Variants in MKRN2OS observed in about 807,000 individuals in gnomAD.
MKRN2OS encodes MKRN2 opposite strand.
In MKRN2OS, 17 loss-of-function variants were observed where a neutral mutation model predicts 18.2. The ratio of observed to expected loss-of-function variants is 0.93; its 90% CI spans 0.64 to 1.40. The LOEUF is 1.40. Among genes scored for constraint, MKRN2OS ranks in the 40% most tolerant of loss-of-function variants. MKRN2OS has a pLI of 0.00. For synonymous variants in MKRN2OS, 121 were observed against 108.5 expected, an observed-to-expected ratio of 1.12 and a Z score of -0.72; for missense variants, 337 against 283.0, an observed-to-expected ratio of 1.19 and a Z score of -1.37.
At chr3:12,555,307 G>C (rs1344320766) in intron 1 of MKRN2OS, among the ~76,000 whole-genome samples, 1 of 89,228 alleles carries the variant, frequency 1.1e-5, no homozygotes, top group East Asian at 2.3e-4. Context: ...GCAAGACTCC[G>C]TCTCAAAAAA....
rs551458514 is a variant in MKRN2OS at position 12,540,169 on chromosome 3, G to A, written c.*24C>T. On this transcript the variant is annotated 3_prime_UTR_variant, in exon 4 of 4. Transcript: ENST00000564146. ...GGTAGCAACCACCCTACCCTCCAGC[G>A]TCCAGGCTGCGCTTACATAGCTCTC... is the stretch of plus-strand genomic sequence containing the variant. 619 of 1,535,950 alleles carry A rather than the reference G, an allele frequency of 4.0e-4. 8 individuals carry two copies. The South Asian group carries it at 6.4e-3, about 16-fold the overall frequency.
intron 1 of MKRN2OS, among the ~76,000 whole-genome samples, chr3:12,557,909 A>T (rs1374029477): frequency 6.6e-6 from 1 of 152,246 alleles, no homozygotes; most frequent in Non-Finnish European, 1.5e-5. Flanking sequence ...AAATAGCCAG[A>T]TAGCTACACT....
intron 1 of MKRN2OS, among the ~76,000 whole-genome samples, chr3:12,555,448 T>C (rs1480761191): frequency 1.3e-5 from 2 of 152,106 alleles, no homozygotes; most frequent in Non-Finnish European, 2.9e-5. Context: ...GAGAAAAATT[T>C]CAAAAGTTCT....
In MKRN2OS at chr3:12,540,401, T is replaced by C. The variant is rs2057779470; in HGVS notation, c.464A>G (p.Tyr155Cys). The change falls in exon 4 of 4, where the codon TAC becomes TGC. Residue 155 changes from tyrosine to cysteine, a missense_variant. Physicochemically the swap from Tyr to Cys is radical, Grantham distance 194. Coordinates refer to ENST00000564146, the MANE Select transcript of MKRN2OS (RefSeq NM_001195279.2). ...AACGCAGTTAATGAACGTGAGTGCG[T>C]AAGAGTAGCAGTTATGGTGGTTGTC... Reference protein sequence around the residue: ...YEDNHHNCYSYALTFINCVLM... With the variant: ...YEDNHHNCYSCALTFINCVLM... 1 of 1,536,082 alleles carries C rather than the reference T, an allele frequency of 6.5e-7. No homozygotes were observed. The highest frequency in any genetic ancestry group is 8.7e-7 in the Non-Finnish European group (1 of 1,146,900).
intron 2 of MKRN2OS, 73 bp from the exon 3 acceptor site, chr3:12,542,095 A>T: frequency 7.0e-7 from 1 of 1,421,110 alleles, no homozygotes; most frequent in Non-Finnish European, 9.4e-7. Flanking sequence ...ACATCAGAAA[A>T]TGACAGTAGC....
chr3:12,552,876 G>T (rs2057939634), downstream of MKRN2OS, among the ~76,000 whole-genome samples: 1 of 151,730 alleles, frequency 6.6e-6, no homozygotes, highest in Non-Finnish European at 1.5e-5. Context: ...TACAAAAATT[G>T]GCCAGGAGTG....
At chr3:12,552,725 T>TA (rs2057938816), downstream of MKRN2OS, among the ~76,000 whole-genome samples, 1 of 151,272 alleles carries the variant, frequency 6.6e-6, no homozygotes, top group East Asian at 2.0e-4. Flanking sequence ...AATCTTTAAT[T>TA]AAAAATCATC....
At chr3:12,550,916 T>C (rs1224324478), downstream of MKRN2OS, among the ~76,000 whole-genome samples, 2 of 152,190 alleles carry the variant, frequency 1.3e-5, no homozygotes, top group Non-Finnish European at 2.9e-5. Context: ...TACATATCCA[T>C]TTGATTCCTT....
downstream of MKRN2OS, among the ~76,000 whole-genome samples, chr3:12,553,067 G>T (rs1366421376): frequency 2.7e-5 from 4 of 149,296 alleles, no homozygotes; most frequent in Admixed American, 6.7e-5. Context: ...TGCAGGCTGA[G>T]ATGGCTTCCA....
chr3:12,555,179 G>A (rs746118443), intron 1 of MKRN2OS, among the ~76,000 whole-genome samples: 1 of 152,024 alleles, frequency 6.6e-6, no homozygotes, highest in Admixed American at 6.6e-5. Context: ...GCGTGGCAGC[G>A]TGCGCCTGTA....
chr3:12,542,122 G>T, intron 2 of MKRN2OS, 100 bp from the exon 3 acceptor site: 1 of 1,218,206 alleles, frequency 8.2e-7, no homozygotes, highest in Non-Finnish European at 1.1e-6. Flanking sequence ...GTAACTTTAC[G>T]TAACATAAAT....
chr3:12,552,710 AT>A (rs1281843794), downstream of MKRN2OS, among the ~76,000 whole-genome samples: 5 of 151,502 alleles, frequency 3.3e-5, no homozygotes, highest in Non-Finnish European at 7.4e-5. Flanking sequence ...CATGCCCCAC[AT>A]TTAAATCTTT....
chr3:12,548,817 C>G (rs2057907663), upstream of MKRN2OS, among the ~76,000 whole-genome samples: 1 of 152,136 alleles, frequency 6.6e-6, no homozygotes, highest in Non-Finnish European at 1.5e-5. Context: ...TTTTTCAACA[C>G]AAGCATCTTC....
At chr3:12,559,984 A>C (rs2058023044) in intron 1 of MKRN2OS, among the ~76,000 whole-genome samples, 1 of 152,190 alleles carries the variant, frequency 6.6e-6, no homozygotes. Flanking sequence ...TTCAGCTGGC[A>C]GGTGGTAGGA....
intron 1 of MKRN2OS, among the ~76,000 whole-genome samples, 171 bp from the exon 2 acceptor site, chr3:12,543,400 A>C (rs2454433): frequency 0.39 from 59,528 of 151,756 alleles, 12,996 homozygotes; most frequent in African/African-American, 0.59. Context: ...CAGCCTGGCC[A>C]ACATGGCAAG....
downstream of MKRN2OS, among the ~76,000 whole-genome samples, chr3:12,551,048 T>A (rs1426075156): frequency 6.6e-6 from 1 of 151,708 alleles, no homozygotes; most frequent in Non-Finnish European, 1.5e-5. Context: ...CGGTGGGACA[T>A]GACAGAGGCA....
At chr3:12,556,711 G>A (rs908918440) in intron 1 of MKRN2OS, among the ~76,000 whole-genome samples, 16 of 152,208 alleles carry the variant, frequency 1.1e-4, no homozygotes, top group African/African-American at 3.9e-4. Flanking sequence ...GTGAGTGCGA[G>A]TATGAATGGA....
chr3:12,547,612 CTT>C (rs1489125282), upstream of MKRN2OS, among the ~76,000 whole-genome samples: 2 of 152,122 alleles, frequency 1.3e-5, no homozygotes, highest in Non-Finnish European at 2.9e-5. Flanking sequence ...ATCTTGGAAA[CTT>C]TTCCACAATA....
chr3:12,540,557 T>C, intron 3 of MKRN2OS, 124 bp from the exon 4 acceptor site: 1 of 1,144,984 alleles, frequency 8.7e-7, no homozygotes, highest in Non-Finnish European at 1.2e-6. Flanking sequence ...ATGTGCTGGC[T>C]TATGTGGTTA....
Sources: allele counts gnomAD v4.1 joint callset (sites outside exome capture counted in the v4.1 genomes callset), GRCh38; gene constraint gnomAD v4.1.1; transcripts MANE v1.5; gene names NCBI Gene and HGNC (gene_info 2026-07-23, HGNC 2026-07-21).